The following SMYD3 variants were observed in gnomAD, a reference collection of about 807,000 sequenced individuals.
SMYD3 encodes the protein SET and MYND domain containing 3.
Under a neutral mutation model 57.7 loss-of-function variants are expected in SMYD3, and 36 were observed. The observed-to-expected ratio is 0.62, with a 90% confidence interval of 0.48 to 0.82. The LOEUF is 0.82. Among genes scored for constraint, SMYD3 ranks in the 40% least tolerant of loss-of-function variants. The probability of loss-of-function intolerance (pLI) is 0.00; values close to 1 mark genes in which losing one functional copy is unlikely to be tolerated. For missense variants in SMYD3, 515 were observed against 538.8 expected, an observed-to-expected ratio of 0.96 and a Z score of 0.44; for synonymous variants, 211 against 195.0, an observed-to-expected ratio of 1.08 and a Z score of -0.68.
At chr1:246,097,232 T>C (rs547329824) in intron 5 of SMYD3, among the ~76,000 whole-genome samples, 6 of 152,146 alleles carry the variant, frequency 3.9e-5, no homozygotes, top group Non-Finnish European at 8.8e-5. Flanking sequence ...GCACCAAGCC[T>C]GAGGAGGTCA....
chr1:246,104,418 A>G (rs767604328), intron 5 of SMYD3, among the ~76,000 whole-genome samples: 1 of 152,256 alleles, frequency 6.6e-6, no homozygotes, highest in Non-Finnish European at 1.5e-5. Flanking sequence ...CCACTGTGAA[A>G]TAAGAAACAA....
intron 5 of SMYD3, among the ~76,000 whole-genome samples, chr1:246,155,745 C>A (rs1193223549): frequency 6.6e-6 from 1 of 151,986 alleles, no homozygotes; most frequent in African/African-American, 2.4e-5. Flanking sequence ...TTTGGGAGGC[C>A]GAGGCAGGTG....
chr1:245,916,233 T>C (rs2055408578), intron 7 of SMYD3, among the ~76,000 whole-genome samples: 1 of 152,156 alleles, frequency 6.6e-6, no homozygotes, highest in Non-Finnish European at 1.5e-5. Flanking sequence ...GATGGAAGCA[T>C]TCAAACTGAC....
intron 5 of SMYD3, among the ~76,000 whole-genome samples, chr1:246,308,109 G>A (rs1040727984): frequency 6.6e-6 from 1 of 152,132 alleles, no homozygotes; most frequent in Non-Finnish European, 1.5e-5. Context: ...GCACCTCCAT[G>A]TACTGAACGT....
chr1:246,116,839 A>G (rs2061349384), intron 5 of SMYD3, among the ~76,000 whole-genome samples: 2 of 152,204 alleles, frequency 1.3e-5, no homozygotes. Context: ...GTTCCTTTCA[A>G]CAAACGGGAA....
At chr1:246,101,285 A>G (rs1400865611) in intron 5 of SMYD3, among the ~76,000 whole-genome samples, 1 of 152,118 alleles carries the variant, frequency 6.6e-6, no homozygotes, top group Non-Finnish European at 1.5e-5. Flanking sequence ...AAACAGAAAC[A>G]AATATAAAAG....
chr1:245,870,666 C>G (rs2052136664), intron 8 of SMYD3, among the ~76,000 whole-genome samples: 1 of 152,210 alleles, frequency 6.6e-6, no homozygotes, highest in Admixed American at 6.5e-5. Flanking sequence ...CGGTTACATT[C>G]AATTGGCCAA....
chr1:246,084,115 A>C (rs1212536090), intron 5 of SMYD3, among the ~76,000 whole-genome samples: 1 of 152,102 alleles, frequency 6.6e-6, no homozygotes, highest in African/African-American at 2.4e-5. Context: ...AAAGGATGTA[A>C]ATGATTTTTG....
chr1:246,287,254 G>A (rs1473179726), intron 5 of SMYD3, among the ~76,000 whole-genome samples: 1 of 152,144 alleles, frequency 6.6e-6, no homozygotes, highest in African/African-American at 2.4e-5. Flanking sequence ...AAAGTCCAGA[G>A]TTGTTTTAAA....
chr1:246,444,759 A>G (rs1433776223), intron 1 of SMYD3, among the ~76,000 whole-genome samples: 1 of 152,236 alleles, frequency 6.6e-6, no homozygotes, highest in African/African-American at 2.4e-5. Context: ...AATCTAAAAA[A>G]CAGCTCCAGA....
At chr1:245,882,457 G>A (rs77072211) in intron 8 of SMYD3, among the ~76,000 whole-genome samples, 5,511 of 152,202 alleles carry the variant, frequency 0.036, 115 homozygotes, top group African/African-American at 0.052. Flanking sequence ...ACTACAATGA[G>A]CCAAAAATCA....
At chr1:245,806,717 T>C (rs1452356574) in intron 10 of SMYD3, among the ~76,000 whole-genome samples, 1 of 151,288 alleles carries the variant, frequency 6.6e-6, no homozygotes, top group Admixed American at 6.6e-5. Context: ...GAGACCATCC[T>C]GGCTAACAAG....
At position 246,506,999 on chromosome 1, in the gene SMYD3, C is replaced by G. The variant is rs931721601; in HGVS notation, c.164+55G>C. ...TGCCGGCCGCCCGACGCCCCCCCCTCCCCAGCACCCCACACAGCTCGCGAC... is the reference window on the plus strand; with the variant it reads ...TGCCGGCCGCCCGACGCCCCCCCCTGCCCAGCACCCCACACAGCTCGCGAC... On this transcript the variant is annotated intron_variant, in intron 1 of 11. Coordinates refer to ENST00000490107, the MANE Select transcript of SMYD3 (RefSeq NM_001167740.2). The G allele has an allele frequency of 4.3e-4, 416 of 972,854 alleles. 17 individuals are homozygous for G. The highest frequency in any genetic ancestry group is 5.1e-4 in the Non-Finnish European group (387 of 755,822). The allele number at this position is 972,854 out of a possible 1,614,324, so 60.3% of individuals were successfully genotyped here.
chr1:246,183,054 C>G (rs967636715), intron 5 of SMYD3, among the ~76,000 whole-genome samples: 1 of 152,108 alleles, frequency 6.6e-6, no homozygotes, highest in Admixed American at 6.6e-5. Context: ...TCTTCTAAGT[C>G]TATTTTTGGC....
intron 5 of SMYD3, chr1:246,096,094 G>A (rs2060909200): frequency 6.6e-6 from 1 of 152,140 alleles, no homozygotes; most frequent in African/African-American, 2.4e-5. Flanking sequence ...TGAGAACAGA[G>A]TAAATAAAAC....
At chr1:246,346,939 G>A (rs1275649947) in intron 2 of SMYD3, among the ~76,000 whole-genome samples, 1 of 152,168 alleles carries the variant, frequency 6.6e-6, no homozygotes, top group Non-Finnish European at 1.5e-5. Context: ...AAAGGAGACA[G>A]CATGCAAGAA....
At chr1:246,100,609 C>T (rs2060992470) in intron 5 of SMYD3, among the ~76,000 whole-genome samples, 2 of 152,230 alleles carry the variant, frequency 1.3e-5, no homozygotes, top group Non-Finnish European at 2.9e-5. Flanking sequence ...AGCTTGTCAC[C>T]ATCCTCCCAA....
At chr1:245,989,797 ATC>A (rs2058780393) in intron 5 of SMYD3, among the ~76,000 whole-genome samples, 1 of 152,190 alleles carries the variant, frequency 6.6e-6, no homozygotes, top group African/African-American at 2.4e-5. Flanking sequence ...GTTTTTTCCA[ATC>A]TTATTAAACT....
At chr1:246,071,913 A>G (rs2060455886) in intron 5 of SMYD3, among the ~76,000 whole-genome samples, 3 of 130,834 alleles carry the variant, frequency 2.3e-5, no homozygotes, top group South Asian at 2.5e-4. Context: ...CTGGGGAGGG[A>G]TTCGTGTGCT....
Sources: gnomAD v4.1 joint callset for allele counts (sites outside exome capture counted in the v4.1 genomes callset) on GRCh38, gnomAD v4.1.1 for gene constraint, MANE v1.5 for transcripts, NCBI Gene and HGNC (gene_info 2026-07-23, HGNC 2026-07-21) for gene names.